DDX31: variants seen among roughly 807,000 people sequenced by gnomAD.
The protein encoded by DDX31 is DEAD-box helicase 31, also known as ATP-dependent DNA helicase DDX31.
DDX31 carries 70 observed loss-of-function variants against 91.3 expected under a neutral mutation model. The ratio of observed to expected loss-of-function variants is 0.77; its 90% CI spans 0.63 to 0.94. The LOEUF (loss-of-function observed/expected upper bound fraction) is 0.94. Ranked by LOEUF, DDX31 falls within the 40% of genes least tolerant of loss-of-function variation. The pLI is 0.00. For missense variants in DDX31, 902 were observed against 925.0 expected, an observed-to-expected ratio of 0.98 and a Z score of 0.32; for synonymous variants, 362 against 350.6, an observed-to-expected ratio of 1.03 and a Z score of -0.36.
intron 19 of DDX31, among the ~76,000 whole-genome samples, chr9:132,600,628 G>T (rs766721060): frequency 6.6e-6 from 1 of 152,048 alleles, no homozygotes; most frequent in Non-Finnish European, 1.5e-5. Flanking sequence ...AGATATGGCC[G>T]ATGTTTGAAA....
At chr9:132,608,100 A>G (rs938862858) in intron 19 of DDX31, among the ~76,000 whole-genome samples, 2 of 152,214 alleles carry the variant, frequency 1.3e-5, no homozygotes, top group Non-Finnish European at 2.9e-5. Context: ...TGCTGAATCT[A>G]CTATAGCTTC....
In DDX31 at chr9:132,595,025, G is replaced by A. The variant is rs114397779; in HGVS notation, c.2082C>T (p.Ile694=). The A allele has an allele frequency of 2.1e-3, 3,350 of 1,614,212 alleles. 68 individuals are homozygous for A. In the African/African-American group the frequency reaches 0.039, roughly 19 times the overall value. The change falls in exon 20 of 20, where the codon ATC becomes ATT. Residue 694 remains isoleucine (I), a synonymous_variant. Coordinates refer to ENST00000372159, the MANE Select transcript of DDX31 (RefSeq NM_022779.9). This position sits in a 1 kb window ranked among gnomAD's most constrained non-coding sequence, Gnocchi z 4.6. ...GTGCGTTTTGCTTTTTGACCTTGGC[G>A]ATGTCGGCCTCCATGCCGCTTGAGT... The part of the protein sequence containing the change: ...SEYSSGMEAD[I]AKVKKQNAPG...
intron 11 of DDX31, among the ~76,000 whole-genome samples, chr9:132,647,831 AT>A (rs1240343631): frequency 1.3e-5 from 2 of 152,316 alleles, no homozygotes; most frequent in East Asian, 3.9e-4. Context: ...TACATTAAAA[AT>A]GCACTCAGAT....
intron 1 of DDX31, 113 bp downstream of exon 1, chr9:132,669,747 C>T: frequency 1.3e-6 from 2 of 1,526,396 alleles, no homozygotes; most frequent in Non-Finnish European, 1.8e-6. Flanking sequence ...GTCTTTCTCC[C>T]GCTTAACTCC....
chr9:132,658,912 A>T (rs749400386), intron 5 of DDX31, among the ~76,000 whole-genome samples, 177 bp from the exon 6 acceptor site: 2 of 152,226 alleles, frequency 1.3e-5, no homozygotes, highest in Non-Finnish European at 2.9e-5. Flanking sequence ...TGTCTGCCAC[A>T]AATCCCAATT....
At position 132,612,300 on chromosome 9, in the gene DDX31, C is replaced by A. The variant is rs761780932; in HGVS notation, c.1826-45G>T. On this transcript the variant is annotated intron_variant, in intron 18 of 19. Coordinates refer to ENST00000372159, the MANE Select transcript of DDX31 (RefSeq NM_022779.9). ...GGAGGGAAGCTGTCAGGACCGGGGT[C>A]TCCAAGCTCCAAAGTGCCCGGCCTA... is the stretch of plus-strand genomic sequence containing the variant. 72 of 1,611,042 alleles carry A rather than the reference C, an allele frequency of 4.5e-5. No homozygotes were observed. The East Asian group carries it at 1.6e-3, about 35-fold the overall frequency.
chr9:132,655,994 C>T (rs778152945), intron 6 of DDX31, among the ~76,000 whole-genome samples: 1 of 151,982 alleles, frequency 6.6e-6, no homozygotes, highest in Admixed American at 6.5e-5. Context: ...CGCTGTGTGA[C>T]GTTAGGAGAT....
At chr9:132,662,173 C>T in intron 3 of DDX31, 88 bp downstream of exon 3, 2 of 1,280,416 alleles carry the variant, frequency 1.6e-6, no homozygotes, top group Non-Finnish European at 1.1e-6. Flanking sequence ...TCTCTGATCT[C>T]TCCTCCTAGA....
In DDX31 at chr9:132,593,511, C is replaced by T. The variant is rs1244012875; in HGVS notation, c.*1355G>A. 2 of 152,142 alleles carry T rather than the reference C, an allele frequency of 1.3e-5. No homozygotes were observed. Among genetic ancestry groups the T allele is most frequent in the African/African-American group, 4.8e-5 (2 of 41,410 alleles). 9.4% of individuals were successfully genotyped at this position (152,142 alleles called of 1,614,324 possible). A position where few individuals can be genotyped will look rare whatever the true frequency, so the allele number is the denominator to read the frequency against. The stretch of plus-strand genomic sequence containing the variant: ...TTAATTATTATTGTTAGAAACGTCA[C>T]CCACAGTCCCTGTTAATTTGTATGT... On this transcript the variant is annotated 3_prime_UTR_variant, in exon 20 of 20. Coordinates refer to ENST00000372159, the MANE Select transcript of DDX31 (RefSeq NM_022779.9).
At chr9:132,613,968 C>T (rs748700311) in intron 18 of DDX31, among the ~76,000 whole-genome samples, 9 of 152,214 alleles carry the variant, frequency 5.9e-5, no homozygotes, top group Non-Finnish European at 1.2e-4. Context: ...TCCAATCCTG[C>T]TCTTCTGCCA....
At chr9:132,644,592 TA>T (rs1833703231) in intron 13 of DDX31, among the ~76,000 whole-genome samples, 1 of 152,224 alleles carries the variant, frequency 6.6e-6, no homozygotes, top group South Asian at 2.1e-4. Context: ...AGCCTCTGTA[TA>T]ATGAAGCTAT....
In DDX31 at chr9:132,647,071, T is replaced by A. The variant is rs764244904; in HGVS notation, c.968-13A>T. The A allele has an allele frequency of 6.8e-6, 5 of 731,160 alleles. No homozygotes were observed. The highest frequency in any genetic ancestry group is 4.1e-4 in the Middle Eastern group (1 of 2,418). The allele number at this position is 731,160 out of a possible 1,614,324, so 45.3% of individuals were successfully genotyped here. On this transcript the variant is annotated splice_polypyrimidine_tract_variant and intron_variant, in intron 11 of 19. Transcript: ENST00000372159. ...AGCCGCGTTACACCTTGGATAAAAG[T>A]AAGAAGGGCAAAGCAGACAACAAAC...
intron 19 of DDX31, among the ~76,000 whole-genome samples, chr9:132,600,772 G>A (rs1199770916): frequency 6.6e-6 from 1 of 152,118 alleles, no homozygotes; most frequent in African/African-American, 2.4e-5. Flanking sequence ...TGCTGGGGAC[G>A]GGCAGAGGAC....
At chr9:132,626,740 A>G (rs1471901487) in intron 16 of DDX31, among the ~76,000 whole-genome samples, 1 of 152,026 alleles carries the variant, frequency 6.6e-6, no homozygotes, top group Non-Finnish European at 1.5e-5. Flanking sequence ...TTACTCTGAC[A>G]AGGCTATGAA....
At chr9:132,631,740 G>C (rs1832735104) in intron 15 of DDX31, among the ~76,000 whole-genome samples, 1 of 152,152 alleles carries the variant, frequency 6.6e-6, no homozygotes, top group South Asian at 2.1e-4. Flanking sequence ...CAGGGACCGA[G>C]GTAATTCCCA....
chr9:132,607,475 G>A (rs1831088900), intron 19 of DDX31, among the ~76,000 whole-genome samples: 1 of 152,216 alleles, frequency 6.6e-6, no homozygotes. Context: ...TGTCCCAGAT[G>A]TTTCTAAGCT....
intron 13 of DDX31, among the ~76,000 whole-genome samples, chr9:132,644,407 A>G (rs1467811580): frequency 6.6e-6 from 1 of 152,210 alleles, no homozygotes; most frequent in Non-Finnish European, 1.5e-5. Context: ...AGGAAGTACA[A>G]TTATCATCCC....
intron 4 of DDX31, among the ~76,000 whole-genome samples, chr9:132,660,908 T>C (rs934860684): frequency 2.6e-5 from 4 of 152,232 alleles, no homozygotes; most frequent in African/African-American, 9.6e-5. Context: ...TCACATGCTA[T>C]ATTTTGGCCA....
In DDX31 at chr9:132,607,434, G is replaced by A. The variant is rs565523340; in HGVS notation, c.1994+4653C>T. 1.1e-4 allele frequency among the ~76,000 whole-genome samples: 16 copies of A among 152,302 alleles called. No individual in the cohort carries two copies. The South Asian group carries it at 1.7e-3, about 16-fold the overall frequency. ...AAGAGGAAGCTAGGAGCAACAGGGG[G>A]ACAAAATTATTGCATTACTGATAAT... On this transcript the variant is annotated intron_variant, in intron 19 of 19. Transcript: ENST00000372159.
Sources: gnomAD v4.1 joint callset for allele counts (sites outside exome capture counted in the v4.1 genomes callset) on GRCh38, gnomAD v4.1.1 for gene constraint, Gnocchi (gnomAD v3.1) non-coding constraint, MANE v1.5 for transcripts, NCBI Gene and HGNC (gene_info 2026-07-23, HGNC 2026-07-21) for gene names.